ASAP3: variants seen among roughly 807,000 people sequenced by gnomAD.
ASAP3 encodes the protein arf-GAP with SH3 domain, ANK repeat and PH domain-containing protein 3.
A neutral mutation model predicts 118.2 loss-of-function variants in ASAP3; 85 were observed. That is an observed-to-expected ratio of 0.72 (90% CI 0.60 to 0.86). The LOEUF (loss-of-function observed/expected upper bound fraction) is 0.86. Among genes scored for constraint, ASAP3 ranks in the 40% least tolerant of loss-of-function variants. The pLI is 0.00. For synonymous variants in ASAP3, 432 were observed against 477.4 expected, an observed-to-expected ratio of 0.90 and a Z score of 1.24; for missense variants, 1,026 against 1,175.0, an observed-to-expected ratio of 0.87 and a Z score of 1.85.
At chr1:23,434,495 G>T in intron 18 of ASAP3, 38 bp downstream of exon 18, 2 of 1,607,348 alleles carry the variant, frequency 1.2e-6, no homozygotes, top group Non-Finnish European at 1.7e-6. Flanking sequence ...AGGAGAGGGA[G>T]TGTGAGGAGC....
chr1:23,429,965 G>T, intron 24 of ASAP3, 35 bp from the exon 25 acceptor site: 2 of 1,570,692 alleles, frequency 1.3e-6, no homozygotes, highest in Non-Finnish European at 1.8e-6. Flanking sequence ...CATTTTCAAA[G>T]CACCTGTAAC....
intron 1 of ASAP3, among the ~76,000 whole-genome samples, chr1:23,460,818 C>A (rs931328738): frequency 6.6e-6 from 1 of 152,134 alleles, no homozygotes; most frequent in African/African-American, 2.4e-5. Context: ...ACCAAGATGT[C>A]CTTCAGTAGG....
chr1:23,467,538 C>T (rs77996570), intron 1 of ASAP3, among the ~76,000 whole-genome samples: 3 of 152,110 alleles, frequency 2.0e-5, no homozygotes, highest in East Asian at 1.9e-4. Context: ...CCTTAAGAGA[C>T]GAAGTCACAG....
chr1:23,467,222 T>A (rs1048196270), intron 1 of ASAP3, among the ~76,000 whole-genome samples: 1 of 149,778 alleles, frequency 6.7e-6, no homozygotes, highest in Admixed American at 6.6e-5. Flanking sequence ...TGAAATGGAG[T>A]CTTGCTCTGT....
At position 23,439,027 on chromosome 1, in the gene ASAP3, C is replaced by T. The variant is rs541606782; in HGVS notation, c.1014+134G>A. ...GGGCCTTCAGGTCCCATCTGTCCTC[C>T]CAAACGGGTCTCCAGCTCCCTGGAC... On this transcript the variant is annotated intron_variant, in intron 11 of 24. Transcript: ENST00000336689. 4 of 1,217,516 alleles carry T rather than the reference C, an allele frequency of 3.3e-6. No homozygotes were observed. The East Asian group carries it at 9.8e-5, about 30-fold the overall frequency. The allele number at this position is 1,217,516 out of a possible 1,614,324, so 75.4% of individuals were successfully genotyped here.
chr1:23,429,237 T>C lies in ASAP3; in HGVS notation c.*619A>G, dbSNP rs1036801974. On this transcript the variant is annotated 3_prime_UTR_variant, in exon 25 of 25. Coordinates refer to ENST00000336689, the MANE Select transcript of ASAP3 (RefSeq NM_017707.4). ...TCTGTAGACAATTGTAATGGTCATA[T>C]AGGTATAAACCAGCTGAGTCCAGAG... 3.9e-5 allele frequency: 6 copies of C among 152,354 alleles called. No homozygotes were observed. The highest frequency in any genetic ancestry group is 1.4e-4 in the African/African-American group (6 of 41,410). The allele number at this position is 152,354 out of a possible 1,614,324, so 9.4% of individuals were successfully genotyped here. A position where few individuals can be genotyped will look rare whatever the true frequency, so the allele number is the denominator to read the frequency against.
intron 11 of ASAP3, 27 bp downstream of exon 11, chr1:23,439,134 G>T (rs746266155): frequency 6.2e-7 from 1 of 1,612,586 alleles, no homozygotes; most frequent in African/African-American, 1.3e-5. Flanking sequence ...ATCGTGCCCT[G>T]AGACTCCCAC....
Position 23,452,760 on chromosome 1 carries a change from C to G in ASAP3, c.360G>C (p.Leu120Phe), listed in dbSNP as rs201194561. The G allele has an allele frequency of 1.4e-4, 228 of 1,613,806 alleles. 1 individual carries two copies. In the Middle Eastern group the frequency reaches 7.7e-3, roughly 55 times the overall value. ...AALFKNLIQN[L>F]NNIVSFPLDS... is the part of the protein sequence containing the mutation. The stretch of plus-strand genomic sequence containing the variant: ...CCAGGGGGAAAGAGACAATGTTGTT[C>G]AAGTTCTGAATCTGGAAAAAACAGA... The change falls in exon 4 of 25, where the codon TTG (leucine) becomes TTC (phenylalanine). Residue 120 changes from leucine to phenylalanine, a missense_variant. Coordinates refer to ENST00000336689, the MANE Select transcript of ASAP3 (RefSeq NM_017707.4).
chr1:23,441,520 A>G (rs748026850), intron 8 of ASAP3, 47 bp from the exon 9 acceptor site: 5 of 1,609,286 alleles, frequency 3.1e-6, no homozygotes, highest in Non-Finnish European at 4.3e-6. Context: ...CAAATATGTC[A>G]GGCACAGAGC....
chr1:23,440,500 CAAAAAAA>C (rs35344912), intron 10 of ASAP3, among the ~76,000 whole-genome samples: 1 of 24,316 alleles, frequency 4.1e-5, no homozygotes, highest in Non-Finnish European at 6.4e-5. Flanking sequence ...GACTCCATCT[CAAAAAAA>C]AAAAAAAAAA....
intron 1 of ASAP3, among the ~76,000 whole-genome samples, chr1:23,475,042 G>A (rs12134773): frequency 0.012 from 1,823 of 152,344 alleles, 12 homozygotes; most frequent in South Asian, 0.022. Flanking sequence ...GTGCCAGTCT[G>A]GCATCTGACC....
intron 1 of ASAP3, among the ~76,000 whole-genome samples, chr1:23,469,008 T>C (rs1641877071): frequency 6.8e-6 from 1 of 147,504 alleles, no homozygotes; most frequent in Non-Finnish European, 1.5e-5. Flanking sequence ...CAATTACCAA[T>C]TTACAGAAAA....
intron 4 of ASAP3, among the ~76,000 whole-genome samples, chr1:23,452,068 A>C (rs554670899): frequency 2.0e-5 from 3 of 152,304 alleles, no homozygotes; most frequent in Admixed American, 1.3e-4. Flanking sequence ...CCTAAGCCTC[A>C]TCCAGCCAGG....
At position 23,429,829 on chromosome 1, in the gene ASAP3, A is replaced by C; in HGVS notation, c.*27T>G. ...CCAGCTCTGAACATTGGGGCCTAGC[A>C]TGGGGCATGTGGGGGCCAGCAAGGA... On this transcript the variant is annotated 3_prime_UTR_variant, in exon 25 of 25. Coordinates refer to ENST00000336689, the MANE Select transcript of ASAP3 (RefSeq NM_017707.4). 2 of 1,610,224 alleles carry C rather than the reference A, an allele frequency of 1.2e-6. No individual in the cohort carries two copies. The highest frequency in any genetic ancestry group is 1.7e-6 in the Non-Finnish European group (2 of 1,177,812).
chr1:23,444,364 G>C (rs1469985359), intron 5 of ASAP3, among the ~76,000 whole-genome samples: 3 of 152,214 alleles, frequency 2.0e-5, no homozygotes, highest in Admixed American at 6.5e-5. Context: ...CACATCTCAG[G>C]CTGGGTGCAT....
At chr1:23,440,500 CAAAAAAAAAAAAAAAA>C (rs35344912) in intron 10 of ASAP3, among the ~76,000 whole-genome samples, 1 of 24,296 alleles carries the variant, frequency 4.1e-5, no homozygotes, top group South Asian at 3.2e-3. Context: ...GACTCCATCT[CAAAAAAAAAAAAAAAA>C]AAAAAAAAAA....
At chr1:23,450,166 T>G (rs1031109776) in intron 5 of ASAP3, among the ~76,000 whole-genome samples, 3 of 152,220 alleles carry the variant, frequency 2.0e-5, no homozygotes, top group Admixed American at 2.0e-4. Context: ...TGCCTCAGAC[T>G]TGGAGCGGTG....
intron 24 of ASAP3, 100 bp downstream of exon 24, chr1:23,430,935 C>T: frequency 1.7e-6 from 2 of 1,154,056 alleles, no homozygotes; most frequent in Non-Finnish European, 2.4e-6. Flanking sequence ...TGTACCCCAA[C>T]CATGGGGAGG....
chr1:23,452,027 A>G (rs1034582518), intron 4 of ASAP3, among the ~76,000 whole-genome samples: 1 of 152,186 alleles, frequency 6.6e-6, no homozygotes, highest in African/African-American at 2.4e-5. Context: ...ACAGCAAACC[A>G]GGGAGACCTG....
Sources: allele counts gnomAD v4.1 joint callset (sites outside exome capture counted in the v4.1 genomes callset), GRCh38; gene constraint gnomAD v4.1.1; transcripts MANE v1.5; gene names NCBI Gene and HGNC (gene_info 2026-07-23, HGNC 2026-07-21).